Variants in PSD3 observed in about 807,000 individuals in gnomAD.
PSD3 encodes the protein PH and SEC7 domain-containing protein 3.
PSD3 carries 49 observed loss-of-function variants against 105.5 expected under a neutral mutation model. That is an observed-to-expected ratio of 0.46 (90% CI 0.37 to 0.59). The LOEUF is 0.59. Among genes scored for constraint, PSD3 ranks in the 20% least tolerant of loss-of-function variants. The probability of loss-of-function intolerance (pLI) is 0.00; values close to 1 mark genes in which losing one functional copy is unlikely to be tolerated. For missense variants in PSD3, 1,561 were observed against 1,263.8 expected, an observed-to-expected ratio of 1.24 and a Z score of -3.57; for synonymous variants, 557 against 457.8, an observed-to-expected ratio of 1.22 and a Z score of -2.77.
In PSD3 at chr8:18,527,412, C is replaced by A. The variant is rs905269474; in HGVS notation, c.*8331G>T. 1 of 152,410 alleles carries A rather than the reference C, an allele frequency of 6.6e-6. No homozygotes were observed. The highest frequency in any genetic ancestry group is 2.1e-4 in the South Asian group (1 of 4,824). 9.4% of individuals were successfully genotyped at this position (152,410 alleles called of 1,614,324 possible). Reference sequence around the variant, plus strand: ...TGCGTGATTTCTATTACATAAAAACCATTTAAATGCAATAAATTTTGTTGC... The same window carrying A: ...TGCGTGATTTCTATTACATAAAAACAATTTAAATGCAATAAATTTTGTTGC... On this transcript the variant is annotated 3_prime_UTR_variant, in exon 16 of 16. Transcript: ENST00000327040.
chr8:18,742,136 G>C (rs568034741), intron 9 of PSD3, among the ~76,000 whole-genome samples: 5 of 152,318 alleles, frequency 3.3e-5, no homozygotes, highest in African/African-American at 1.2e-4. Flanking sequence ...AAGTCCAAGA[G>C]AACAGAAGAA....
chr8:18,767,389 G>T (rs1018675685), intron 8 of PSD3, among the ~76,000 whole-genome samples: 7 of 152,180 alleles, frequency 4.6e-5, no homozygotes, highest in Non-Finnish European at 5.9e-5. Context: ...AGAGCACAGA[G>T]AAGTGTCACA....
intron 9 of PSD3, among the ~76,000 whole-genome samples, chr8:18,708,811 G>A (rs1320786733): frequency 3.3e-5 from 5 of 151,880 alleles, no homozygotes; most frequent in Non-Finnish European, 7.4e-5. Context: ...CTAATGAGGT[G>A]GTTGGCGTGA....
intron 8 of PSD3, among the ~76,000 whole-genome samples, chr8:18,778,975 G>A (rs991600595): frequency 1.3e-5 from 2 of 152,070 alleles, no homozygotes; most frequent in Non-Finnish European, 2.9e-5. Context: ...CATGGAACAA[G>A]CTAGGAAAAA....
chr8:18,853,913 A>T (rs1308040748), intron 4 of PSD3, among the ~76,000 whole-genome samples: 1 of 152,142 alleles, frequency 6.6e-6, no homozygotes. Flanking sequence ...TATACTCTTC[A>T]TTTGTCATCC....
chr8:18,586,904 C>A (rs1397640250), intron 12 of PSD3, among the ~76,000 whole-genome samples: 2 of 152,064 alleles, frequency 1.3e-5, no homozygotes, highest in East Asian at 1.9e-4. Flanking sequence ...GGATGTAGAG[C>A]CTGAGTGTGC....
At chr8:18,857,237 T>C (rs1263930434) in intron 4 of PSD3, among the ~76,000 whole-genome samples, 1 of 152,204 alleles carries the variant, frequency 6.6e-6, no homozygotes. Context: ...ATTCTGCCTC[T>C]AAGCAACTTG....
chr8:18,958,512 C>T (rs17384473), intron 1 of PSD3, among the ~76,000 whole-genome samples: 61,771 of 151,932 alleles, frequency 0.41, 12,780 homozygotes, highest in African/African-American at 0.44. Flanking sequence ...AAAACATTTA[C>T]AATGAAAAAT....
At chr8:18,915,924 T>C (rs1318069112) in intron 2 of PSD3, among the ~76,000 whole-genome samples, 4 of 151,918 alleles carry the variant, frequency 2.6e-5, no homozygotes, top group African/African-American at 7.3e-5. Context: ...GGAGAAACCC[T>C]GTCTCTACTA....
chr8:18,783,483 C>A (rs1808835440), intron 8 of PSD3, among the ~76,000 whole-genome samples: 1 of 152,014 alleles, frequency 6.6e-6, no homozygotes, highest in South Asian at 2.1e-4. Flanking sequence ...TATTCTTTCC[C>A]TTCTTTGGAC....
At position 18,535,692 on chromosome 8, in the gene PSD3, G is replaced by T; in HGVS notation, c.*51C>A. ...ATTCACGGATTACCAGAAAGATCTT[G>T]AAAAACCCTATTTTGCTCCATGACC... On this transcript the variant is annotated 3_prime_UTR_variant, in exon 16 of 16. Transcript: ENST00000327040. 1 of 1,429,812 alleles carries T rather than the reference G, an allele frequency of 7.0e-7. No individual in the cohort carries two copies. The highest frequency in any genetic ancestry group is 9.8e-7 in the Non-Finnish European group (1 of 1,016,310). The allele number at this position is 1,429,812 out of a possible 1,614,324, so 88.6% of individuals were successfully genotyped here.
At chr8:19,041,509 C>T (rs1423435638) in intron 1 of PSD3, among the ~76,000 whole-genome samples, 6 of 152,204 alleles carry the variant, frequency 3.9e-5, no homozygotes, top group Admixed American at 1.3e-4. Flanking sequence ...GACCATGCTT[C>T]GTTTAAGTAA....
intron 11 of PSD3, among the ~76,000 whole-genome samples, chr8:18,620,342 G>GTTTTTTTTTTTTT (rs57785765): frequency 2.5e-5 from 3 of 121,734 alleles, no homozygotes; most frequent in South Asian, 2.8e-4. Flanking sequence ...TTGGGTTTGT[G>GTTTTTTTTTTTTT]TTTTTTTTTT....
At chr8:18,740,872 G>C (rs1346837143) in intron 9 of PSD3, among the ~76,000 whole-genome samples, 1 of 152,080 alleles carries the variant, frequency 6.6e-6, no homozygotes, top group Non-Finnish European at 1.5e-5. Flanking sequence ...GCTGCTTCCG[G>C]GTTCAGCACT....
At chr8:18,886,828 G>C (rs773095028) in intron 2 of PSD3, 2 of 152,228 alleles carry the variant, frequency 1.3e-5, no homozygotes, top group Admixed American at 6.5e-5. Context: ...CTTGGAACCC[G>C]AGCCGAGAGG....
intron 9 of PSD3, among the ~76,000 whole-genome samples, chr8:18,702,181 C>T (rs995684860): frequency 1.3e-5 from 2 of 152,132 alleles, no homozygotes; most frequent in Non-Finnish European, 2.9e-5. Flanking sequence ...AATTTGTAAC[C>T]GACAGGTCTT....
intron 1 of PSD3, among the ~76,000 whole-genome samples, chr8:18,936,570 T>G (rs935799281): frequency 6.6e-6 from 1 of 152,172 alleles, no homozygotes; most frequent in African/African-American, 2.4e-5. Context: ...GAGACCAGCC[T>G]GACCTACATG....
chr8:19,014,336 G>A (rs549033424), upstream of PSD3: 2 of 152,410 alleles, frequency 1.3e-5, no homozygotes, highest in Non-Finnish European at 2.9e-5. The surrounding 1 kb of genome is among the most constrained non-coding windows in gnomAD (Gnocchi z 4.9). Flanking sequence ...TTCCCCCTGA[G>A]GCGAGTCCCC....
intron 6 of PSD3, among the ~76,000 whole-genome samples, chr8:18,801,881 C>G (rs1810728866): frequency 6.6e-6 from 1 of 151,910 alleles, no homozygotes; most frequent in African/African-American, 2.4e-5. Flanking sequence ...ACAGAGTGGT[C>G]AGTACATCAA....
Sources: allele counts gnomAD v4.1 joint callset (sites outside exome capture counted in the v4.1 genomes callset), GRCh38; gene constraint gnomAD v4.1.1; non-coding constraint Gnocchi (gnomAD v3.1); transcripts MANE v1.5; gene names NCBI Gene and HGNC (gene_info 2026-07-23, HGNC 2026-07-21).